The following COMMD1 variants were observed in gnomAD, a reference collection of about 807,000 sequenced individuals.
The protein encoded by COMMD1 is COMM domain-containing protein 1.
COMMD1 carries 10 observed loss-of-function variants against 17.2 expected under a neutral mutation model. The observed-to-expected ratio is 0.58, with a 90% CI of 0.36 to 0.99. COMMD1 has a LOEUF of 0.99. COMMD1 is among the 50% of genes least tolerant of loss of function. The pLI is 0.01. For synonymous variants in COMMD1, 97 were observed against 91.6 expected, an observed-to-expected ratio of 1.06 and a Z score of -0.34; for missense variants, 270 against 231.8, an observed-to-expected ratio of 1.17 and a Z score of -1.07.
In COMMD1 at chr2:61,893,745, C is replaced by T. The variant is rs1572937388; in HGVS notation, n.119+4903C>T. 2.7e-5 allele frequency among the ~76,000 whole-genome samples: 4 copies of T among 150,850 alleles called. No homozygotes were observed. In the South Asian group the frequency reaches 6.3e-4, roughly 24 times the overall value. On this transcript the variant is annotated intron_variant and non_coding_transcript_variant, in intron 1 of 2. Coordinates refer to the COMMD1 transcript ENST00000472729. Reference sequence around the variant, plus strand: ...AGGAGAATTGCTTGAACCTGGCAGGCGGAGGTTGCAGTGAGCTGAAATCAC... The same window carrying T: ...AGGAGAATTGCTTGAACCTGGCAGGTGGAGGTTGCAGTGAGCTGAAATCAC...
At chr2:62,049,474 G>T (rs986185104) in intron 2 of COMMD1, among the ~76,000 whole-genome samples, 1 of 152,056 alleles carries the variant, frequency 6.6e-6, no homozygotes, top group African/African-American at 2.4e-5. Flanking sequence ...TTCACCTCGG[G>T]GCATGCTACT....
chr2:62,108,741 T>C (rs750839025), intron 2 of COMMD1, among the ~76,000 whole-genome samples: 4 of 152,244 alleles, frequency 2.6e-5, no homozygotes, highest in Non-Finnish European at 5.9e-5. Context: ...AAAAAAATCA[T>C]TCTGCGAAGG....
chr2:61,905,001 T>C (rs1197284323), upstream of COMMD1, among the ~76,000 whole-genome samples: 1 of 152,252 alleles, frequency 6.6e-6, no homozygotes, highest in Non-Finnish European at 1.5e-5. Flanking sequence ...CGTTGTAGCA[T>C]GTATCAGTAC....
intron 1 of COMMD1, among the ~76,000 whole-genome samples, chr2:61,941,601 C>T (rs907432411): frequency 1.3e-5 from 2 of 152,160 alleles, no homozygotes; most frequent in African/African-American, 2.4e-5. Context: ...CAGGAAGTCC[C>T]GTTCTCAGGG....
At chr2:62,097,426 T>C (rs969597266) in intron 2 of COMMD1, among the ~76,000 whole-genome samples, 3 of 152,160 alleles carry the variant, frequency 2.0e-5, no homozygotes, top group Non-Finnish European at 2.9e-5. Flanking sequence ...AGTTTGCCCA[T>C]AGGGAGTCTG....
At chr2:62,010,470 A>T (rs1425571145) in intron 2 of COMMD1, among the ~76,000 whole-genome samples, 1 of 151,944 alleles carries the variant, frequency 6.6e-6, no homozygotes. Flanking sequence ...TATGGTAATG[A>T]CTCCCAAATG....
At chr2:61,950,187 A>G (rs1009343408) in intron 1 of COMMD1, among the ~76,000 whole-genome samples, 1 of 152,096 alleles carries the variant, frequency 6.6e-6, no homozygotes, top group Non-Finnish European at 1.5e-5. Flanking sequence ...AGGGTCTGAC[A>G]GGTAATATGT....
At chr2:61,943,792 G>T (rs550599465) in intron 1 of COMMD1, among the ~76,000 whole-genome samples, 1 of 152,080 alleles carries the variant, frequency 6.6e-6, no homozygotes, top group Non-Finnish European at 1.5e-5. Context: ...CCGAGATCCC[G>T]CCATTGCACT....
chr2:62,011,502 A>AT (rs879871645), intron 2 of COMMD1, among the ~76,000 whole-genome samples: 59 of 147,184 alleles, frequency 4.0e-4, no homozygotes, highest in East Asian at 1.4e-3. Flanking sequence ...GAGGACAAAG[A>AT]TTTTTTTTTT....
chr2:61,977,655 A>G (rs1432460887), intron 1 of COMMD1, among the ~76,000 whole-genome samples: 1 of 152,096 alleles, frequency 6.6e-6, no homozygotes, highest in East Asian at 1.9e-4. Flanking sequence ...ATGTATTACT[A>G]CTAGGTAAAA....
intron 2 of COMMD1, among the ~76,000 whole-genome samples, chr2:62,019,492 A>G (rs1041532898): frequency 9.9e-5 from 15 of 151,974 alleles, no homozygotes; most frequent in African/African-American, 3.4e-4. Context: ...CTCTTTTCAT[A>G]ATGGCATTAA....
In COMMD1 at chr2:62,034,495, A is replaced by AAAAAG. The variant is rs890161079; in HGVS notation, c.462+33528_462+33532dup. Among the ~76,000 whole-genome samples the AAAAAG allele has an allele frequency of 2.0e-5, 3 of 152,322 alleles. No homozygotes were observed. In the East Asian group the frequency reaches 5.8e-4, roughly 29 times the overall value. On this transcript the variant is annotated intron_variant, in intron 2 of 2. Transcript: ENST00000311832. Reference sequence around the variant, plus strand: ...GGCGATAGAGTGAGACTCAGTCTCAAAAAAGAAAAGAAAAGAAAAATACAG... The same window carrying AAAAAG: ...GGCGATAGAGTGAGACTCAGTCTCAAAAAAGAAAAGAAAAGAAAAGAAAAATACAG...
chr2:62,094,112 G>C (rs928967016), intron 2 of COMMD1, among the ~76,000 whole-genome samples: 4 of 152,162 alleles, frequency 2.6e-5, no homozygotes, highest in African/African-American at 9.7e-5. Context: ...CTAGGGGAGA[G>C]TAAGATATTA....
intron 1 of COMMD1, among the ~76,000 whole-genome samples, chr2:61,964,314 G>C (rs1671449152): frequency 6.6e-6 from 1 of 151,946 alleles, no homozygotes; most frequent in South Asian, 2.1e-4. Flanking sequence ...TTGATCTCTT[G>C]GGCTCTAGCA....
intron 1 of COMMD1, among the ~76,000 whole-genome samples, chr2:61,914,218 T>C (rs1415178319): frequency 6.6e-6 from 1 of 152,028 alleles, no homozygotes; most frequent in African/African-American, 2.4e-5. Flanking sequence ...ATATAAATTA[T>C]GTTTTGAAGT....
At chr2:61,979,483 A>G (rs572765236) in intron 1 of COMMD1, among the ~76,000 whole-genome samples, 12 of 152,308 alleles carry the variant, frequency 7.9e-5, no homozygotes, top group African/African-American at 2.9e-4. Flanking sequence ...TCTCAAAAAA[A>G]CAAACTAAAA....
intron 1 of COMMD1, among the ~76,000 whole-genome samples, chr2:61,990,877 C>CA (rs139284456): frequency 2.6e-4 from 29 of 111,678 alleles, no homozygotes; most frequent in Non-Finnish European, 2.9e-4. Context: ...TCTGTCTTTA[C>CA]AAAAAAAAAA....
intron 1 of COMMD1, among the ~76,000 whole-genome samples, chr2:61,913,136 A>G (rs1669951974): frequency 6.6e-6 from 1 of 152,164 alleles, no homozygotes; most frequent in Admixed American, 6.5e-5. Flanking sequence ...TGGTAGGCCA[A>G]GGTGGGTGGA....
intron 1 of COMMD1, among the ~76,000 whole-genome samples, chr2:61,960,780 C>G (rs960404344): frequency 6.6e-6 from 1 of 152,154 alleles, no homozygotes; most frequent in African/African-American, 2.4e-5. Context: ...GTGCCTTTCC[C>G]TTCTGGAGGT....
Sources: allele counts gnomAD v4.1 joint callset (sites outside exome capture counted in the v4.1 genomes callset), GRCh38; gene constraint gnomAD v4.1.1; transcripts MANE v1.5; gene names NCBI Gene and HGNC (gene_info 2026-07-23, HGNC 2026-07-21).